Variants in KLHL20 observed in about 807,000 individuals in gnomAD.
KLHL20 encodes the protein kelch-like protein 20.
In KLHL20, 29 loss-of-function variants were observed where a neutral mutation model predicts 69.5. The ratio of observed to expected loss-of-function variants is 0.42; its 90% CI spans 0.31 to 0.57. The LOEUF (loss-of-function observed/expected upper bound fraction) is 0.57, where lower values mean the gene tolerates loss of function less well. KLHL20 is among the 20% of genes least tolerant of loss of function. The pLI, the probability that KLHL20 is intolerant of heterozygous loss-of-function variation, is 0.18. For synonymous variants in KLHL20, 253 were observed against 265.2 expected (o/e 0.95, Z 0.45); for missense variants, 419 against 776.0 (o/e 0.54, Z 5.47).
intron 2 of KLHL20, among the ~76,000 whole-genome samples, chr1:173,727,217 AC>A (rs1450583401): frequency 1.3e-5 from 2 of 152,112 alleles, no homozygotes; most frequent in Admixed American, 1.3e-4. Context: ...AAAAAAAAAA[AC>A]GAGCAAAGCC....
chr1:173,715,946 G>T, intron 1 of KLHL20, 57 bp from the exon 2 acceptor site: 2 of 1,212,594 alleles, frequency 1.6e-6, no homozygotes, highest in Non-Finnish European at 1.2e-6. Context: ...TATAAAGATT[G>T]TTACTGTAAA....
At chr1:173,745,667 T>C (rs892065501) in intron 3 of KLHL20, among the ~76,000 whole-genome samples, 21 of 152,350 alleles carry the variant, frequency 1.4e-4, no homozygotes, top group Middle Eastern at 3.4e-3. Flanking sequence ...TCAGTAGTTT[T>C]ATTTCTTCCT....
intron 5 of KLHL20, 34 bp downstream of exon 5, chr1:173,753,341 C>A: frequency 6.9e-7 from 1 of 1,449,812 alleles, no homozygotes; most frequent in Non-Finnish European, 9.7e-7. Context: ...AAATCAACAA[C>A]TAAGCATTCC....
intron 3 of KLHL20, among the ~76,000 whole-genome samples, chr1:173,736,762 A>G (rs962201969): frequency 6.6e-6 from 1 of 151,844 alleles, no homozygotes; most frequent in Admixed American, 6.6e-5. Context: ...CACCAAGCTA[A>G]TTTTTGTATT....
intron 3 of KLHL20, chr1:173,734,504 A>T: frequency 1.8e-6 from 1 of 544,988 alleles, no homozygotes; most frequent in Non-Finnish European, 3.2e-6. Context: ...CCCTAACTGT[A>T]TTCATAAAAG....
chr1:173,776,976 A>G (rs570046924), intron 10 of KLHL20, among the ~76,000 whole-genome samples: 1 of 152,274 alleles, frequency 6.6e-6, no homozygotes, highest in African/African-American at 2.4e-5. Context: ...GTATTTTGGT[A>G]GGGATTGCAT....
At chr1:173,780,961 C>T (rs1188256528) in intron 10 of KLHL20, among the ~76,000 whole-genome samples, 6 of 149,386 alleles carry the variant, frequency 4.0e-5, no homozygotes, top group African/African-American at 1.5e-4. Context: ...CACTGCACTG[C>T]AGCCTGAGTG....
chr1:173,746,707 A>G (rs1447517057), intron 3 of KLHL20, among the ~76,000 whole-genome samples: 1 of 152,054 alleles, frequency 6.6e-6, no homozygotes, highest in Non-Finnish European at 1.5e-5. Flanking sequence ...TTACTTATTA[A>G]TTAGATCTAC....
chr1:173,759,104 C>T (rs892776134), intron 7 of KLHL20, among the ~76,000 whole-genome samples: 2 of 152,058 alleles, frequency 1.3e-5, no homozygotes, highest in Non-Finnish European at 2.9e-5. Flanking sequence ...CCTGTGACTG[C>T]CGGCTTTCCC....
chr1:173,760,684 AC>A (rs1193261526), intron 7 of KLHL20, among the ~76,000 whole-genome samples: 1 of 152,134 alleles, frequency 6.6e-6, no homozygotes. Flanking sequence ...ATTCGCCATT[AC>A]CAAATCACCA....
intron 2 of KLHL20, among the ~76,000 whole-genome samples, chr1:173,728,419 C>T (rs1571858369): frequency 6.6e-6 from 1 of 152,274 alleles, no homozygotes; most frequent in Admixed American, 6.5e-5. Flanking sequence ...TAACTCTCCA[C>T]CCCAAATCAA....
intron 7 of KLHL20, among the ~76,000 whole-genome samples, chr1:173,760,552 G>A (rs573594734): frequency 1.6e-4 from 25 of 152,242 alleles, no homozygotes; most frequent in African/African-American, 5.5e-4. Flanking sequence ...GAAGGAATTG[G>A]GGACCTATCT....
At chr1:173,765,225 C>T (rs1012898232) in intron 7 of KLHL20, among the ~76,000 whole-genome samples, 2 of 152,094 alleles carry the variant, frequency 1.3e-5, no homozygotes, top group African/African-American at 4.8e-5. Context: ...CATACTCGGC[C>T]GGACATGGTG....
intron 7 of KLHL20, among the ~76,000 whole-genome samples, chr1:173,758,444 C>T (rs1357628713): frequency 6.6e-6 from 1 of 152,140 alleles, no homozygotes; most frequent in African/African-American, 2.4e-5. Flanking sequence ...ATGTTAGCTC[C>T]AGACTGACTG....
intron 2 of KLHL20, among the ~76,000 whole-genome samples, chr1:173,719,096 C>T: frequency 2.1e-5 from 1 of 47,208 alleles, no homozygotes; most frequent in African/African-American, 3.2e-4. Context: ...AACAGCGGGA[C>T]TCCGTCTCAA....
chr1:173,725,598 A>G (rs1001920349), intron 2 of KLHL20, among the ~76,000 whole-genome samples: 1 of 152,236 alleles, frequency 6.6e-6, no homozygotes, highest in Non-Finnish European at 1.5e-5. Context: ...AACCCATTTT[A>G]GAGGAAAATA....
intron 2 of KLHL20, among the ~76,000 whole-genome samples, chr1:173,720,208 G>A (rs1445368647): frequency 2.0e-5 from 3 of 152,180 alleles, no homozygotes; most frequent in African/African-American, 7.2e-5. Flanking sequence ...ACTGCTCTGT[G>A]GAGATGAGGA....
chr1:173,778,213 A>G (rs1440918192), intron 10 of KLHL20, among the ~76,000 whole-genome samples: 2 of 150,720 alleles, frequency 1.3e-5, no homozygotes, highest in Non-Finnish European at 3.0e-5. Flanking sequence ...TAACGCTATC[A>G]CTCCCTCAGC....
intron 2 of KLHL20, among the ~76,000 whole-genome samples, chr1:173,726,451 C>T (rs1050319694): frequency 2.6e-5 from 4 of 152,202 alleles, no homozygotes. Flanking sequence ...AGACTGCCTC[C>T]TCAAGTGGGT....
Sources: allele counts gnomAD v4.1 joint callset (sites outside exome capture counted in the v4.1 genomes callset), GRCh38; gene constraint gnomAD v4.1.1; transcripts MANE v1.5; gene names NCBI Gene and HGNC (gene_info 2026-07-23, HGNC 2026-07-21).